CLOCK: variants seen among roughly 807,000 people sequenced by gnomAD.
The protein encoded by CLOCK is circadian locomoter output cycles protein kaput.
A neutral mutation model predicts 118.4 loss-of-function variants in CLOCK; 43 were observed. That is an observed-to-expected ratio of 0.36 (90% CI 0.28 to 0.47). The LOEUF (loss-of-function observed/expected upper bound fraction) is 0.47. Among genes scored for constraint, CLOCK ranks in the 20% least tolerant of loss-of-function variants. CLOCK has a pLI of 1.00. For missense variants in CLOCK, 846 were observed against 999.9 expected, an observed-to-expected ratio of 0.85 and a Z score of 2.08; for synonymous variants, 326 against 339.2, an observed-to-expected ratio of 0.96 and a Z score of 0.43.
chr4:55,467,317 G>C (rs940540804), intron 8 of CLOCK, among the ~76,000 whole-genome samples: 2 of 152,156 alleles, frequency 1.3e-5, no homozygotes, highest in African/African-American at 2.4e-5. Context: ...TAATCACTGA[G>C]TGACGCTCCA....
At position 55,432,087 on chromosome 4, in the gene CLOCK, C is replaced by T. The variant is rs1366152487; in HGVS notation, c.*3328G>A. ...TGTTATTACTATTCCATTCCTAAGC[C>T]AGATATAAATGACAAAGGAGAGCAC... is the stretch of plus-strand genomic sequence containing the variant. On this transcript the variant is annotated 3_prime_UTR_variant, in exon 23 of 23. Transcript: ENST00000513440. 1 of 152,140 alleles carries T rather than the reference C, an allele frequency of 6.6e-6. No homozygotes were observed. Among genetic ancestry groups the T allele is most frequent in the Admixed American group, 6.6e-5 (1 of 15,260 alleles). 9.4% of individuals were successfully genotyped at this position (152,140 alleles called of 1,614,324 possible).
At chr4:55,495,623 G>A (rs371227025) in intron 2 of CLOCK, among the ~76,000 whole-genome samples, 13 of 152,192 alleles carry the variant, frequency 8.5e-5, no homozygotes, top group South Asian at 8.3e-4. Flanking sequence ...CACGAAGGGT[G>A]TGACCCTCTC....
At chr4:55,505,096 G>C (rs1162973926) in intron 2 of CLOCK, among the ~76,000 whole-genome samples, 1 of 151,504 alleles carries the variant, frequency 6.6e-6, no homozygotes, top group Non-Finnish European at 1.5e-5. Context: ...GGCAGAGGTT[G>C]CAGTAAGCTG....
At chr4:55,485,442 T>A (rs1283303905) in intron 3 of CLOCK, among the ~76,000 whole-genome samples, 1 of 152,182 alleles carries the variant, frequency 6.6e-6, no homozygotes, top group East Asian at 1.9e-4. Context: ...CAAGACAAAC[T>A]GGTAAGGTGG....
chr4:55,455,832 A>G (rs1724881338), intron 13 of CLOCK, 65 bp downstream of exon 13: 1 of 1,085,070 alleles, frequency 9.2e-7, no homozygotes, highest in East Asian at 2.4e-5. Flanking sequence ...ACTACCTATC[A>G]TTTCAGGACA....
intron 2 of CLOCK, among the ~76,000 whole-genome samples, chr4:55,506,838 G>A (rs1266351201): frequency 1.3e-5 from 2 of 152,204 alleles, no homozygotes; most frequent in East Asian, 3.8e-4. Context: ...TGGGATTACA[G>A]GCGTGAGCCA....
chr4:55,476,992 G>A (rs1431436428), intron 6 of CLOCK, among the ~76,000 whole-genome samples: 1 of 152,014 alleles, frequency 6.6e-6, no homozygotes, highest in Non-Finnish European at 1.5e-5. Context: ...GCCTGTAGTG[G>A]AATATGAAGA....
intron 22 of CLOCK, among the ~76,000 whole-genome samples, chr4:55,437,043 T>A (rs942421044): frequency 1.4e-4 from 21 of 152,146 alleles, no homozygotes; most frequent in Non-Finnish European, 7.4e-5. Context: ...CATAATAATT[T>A]AGAACTTGTT....
At chr4:55,502,918 T>A (rs756298162) in intron 2 of CLOCK, among the ~76,000 whole-genome samples, 2 of 152,194 alleles carry the variant, frequency 1.3e-5, no homozygotes, top group African/African-American at 4.8e-5. Context: ...TTTTAAATCA[T>A]CAGGGAATTA....
chr4:55,496,817 T>G (rs570247098), intron 2 of CLOCK, among the ~76,000 whole-genome samples: 8 of 152,144 alleles, frequency 5.3e-5, no homozygotes, highest in Non-Finnish European at 1.0e-4. Flanking sequence ...CATTCCTAGA[T>G]AGTAGAAAAT....
At chr4:55,455,767 G>GCAAAATCTT in intron 13 of CLOCK, 130 bp downstream of exon 13, 1 of 729,746 alleles carries the variant, frequency 1.4e-6, no homozygotes, top group Non-Finnish European at 2.4e-6. Flanking sequence ...TATACATAAA[G>GCAAAATCTT]CAAAATCTTT....
At chr4:55,457,459 C>T (rs1724996666) in intron 11 of CLOCK, among the ~76,000 whole-genome samples, 1 of 152,170 alleles carries the variant, frequency 6.6e-6, no homozygotes. Flanking sequence ...GTTCACCAGT[C>T]TCCCTGTCCT....
chr4:55,471,810 C>T (rs1220009066), intron 7 of CLOCK, among the ~76,000 whole-genome samples: 2 of 152,106 alleles, frequency 1.3e-5, no homozygotes, highest in African/African-American at 2.4e-5. Flanking sequence ...CAGTGGCTTA[C>T]GCCTGTGATG....
At chr4:55,530,605 T>C (rs1730473896) in intron 1 of CLOCK, among the ~76,000 whole-genome samples, 2 of 151,710 alleles carry the variant, frequency 1.3e-5, no homozygotes, top group Admixed American at 6.6e-5. Context: ...TGAAACCCTG[T>C]CTCTATTAAA....
In CLOCK at chr4:55,431,632, G is replaced by A. The variant is rs892388197; in HGVS notation, c.*3783C>T. The stretch of plus-strand genomic sequence containing the variant: ...GACTCCTGTGGGACTAAGGGCCACA[G>A]GTAATTGGAAAGGTTATAGACTTGA... On this transcript the variant is annotated 3_prime_UTR_variant, in exon 23 of 23. Transcript: ENST00000513440. 2.6e-5 allele frequency: 4 copies of A among 152,114 alleles called. No homozygotes were observed. The highest frequency in any genetic ancestry group is 2.0e-4 in the Admixed American group (3 of 15,266). 9.4% of individuals were successfully genotyped at this position (152,114 alleles called of 1,614,324 possible).
At chr4:55,489,887 A>T (rs941732052) in intron 2 of CLOCK, among the ~76,000 whole-genome samples, 2 of 152,072 alleles carry the variant, frequency 1.3e-5, no homozygotes, top group Non-Finnish European at 2.9e-5. Flanking sequence ...ACATGTGAGG[A>T]CTGACACAAG....
At chr4:55,485,978 T>G (rs1412106561) in intron 3 of CLOCK, among the ~76,000 whole-genome samples, 1 of 152,212 alleles carries the variant, frequency 6.6e-6, no homozygotes, top group Non-Finnish European at 1.5e-5. Flanking sequence ...GCTCCTTTAC[T>G]TAAGCAACTT....
At chr4:55,481,104 G>T (rs1246590432) in intron 4 of CLOCK, among the ~76,000 whole-genome samples, 1 of 151,940 alleles carries the variant, frequency 6.6e-6, no homozygotes, top group Non-Finnish European at 1.5e-5. Context: ...AGTTTCTGCT[G>T]ATTTATGAAG....
chr4:55,507,300 C>T (rs1041823573), intron 2 of CLOCK, among the ~76,000 whole-genome samples: 1 of 151,066 alleles, frequency 6.6e-6, no homozygotes, highest in South Asian at 2.1e-4. Context: ...AGAGCAAGAC[C>T]GTGTCTCAAA....
Sources: gnomAD v4.1 joint callset for allele counts (sites outside exome capture counted in the v4.1 genomes callset) on GRCh38, gnomAD v4.1.1 for gene constraint, MANE v1.5 for transcripts, NCBI Gene and HGNC (gene_info 2026-07-23, HGNC 2026-07-21) for gene names.